ALG1: variants seen among roughly 807,000 people sequenced by gnomAD.
ALG1 encodes chitobiosyldiphosphodolichol beta-mannosyltransferase.
A neutral mutation model predicts 55.1 loss-of-function variants in ALG1; 58 were observed. The observed-to-expected ratio is 1.05, with a 90% confidence interval of 0.85 to 1.31. The LOEUF (loss-of-function observed/expected upper bound fraction) is 1.31. Among genes scored for constraint, ALG1 ranks in the 50% most tolerant of loss-of-function variants. The pLI is 0.00. For missense variants in ALG1, 761 were observed against 598.6 expected (o/e 1.27, Z -2.83); for synonymous variants, 309 against 247.0 (o/e 1.25, Z -2.35).
chr16:5,081,107 C>CGGGGGGGGG, intron 10 of ALG1, 51 bp downstream of exon 10: 2 of 283,562 alleles, frequency 7.1e-6, no homozygotes, highest in South Asian at 3.6e-5. Context: ...ACAGGGTGGG[C>CGGGGGGGGG]GGGATGTACT....
rs145339284 is a variant in ALG1 at position 5,077,482 on chromosome 16, C to A, written c.577C>A (p.Leu193Met). 1.2e-6 allele frequency: 2 copies of A among 1,614,222 alleles called. No homozygotes were observed. Among genetic ancestry groups the A allele is most frequent in the Non-Finnish European group, 1.7e-6 (2 of 1,180,040 alleles). The change falls in exon 5 of 13, where the codon CTG becomes ATG. Residue 193 changes from leucine (L) to methionine (M), a missense_variant. Physicochemically the swap from Leu to Met is conservative, Grantham distance 15 (BLOSUM62 2). Coordinates refer to ENST00000262374, the MANE Select transcript of ALG1 (RefSeq NM_019109.5). ...CTTTGGGCGCCTGTCCCACCTGAACCTGTGTGTTACCAATGCTATGCGAGA... is the reference window on the plus strand; with the variant it reads ...CTTTGGGCGCCTGTCCCACCTGAACATGTGTGTTACCAATGCTATGCGAGA... ...KFFGRLSHLN[L>M]CVTNAMREDL...
intron 4 of ALG1, among the ~76,000 whole-genome samples, chr16:5,076,792 C>CTTT (rs5815229): frequency 1.7e-4 from 18 of 108,856 alleles, no homozygotes; most frequent in South Asian, 2.9e-4. Flanking sequence ...GTATTTCTTC[C>CTTT]TTTTTTTTTT....
rs1408092115 is a variant in ALG1, at chr16:5,083,749, C to G, written c.1255C>G (p.Gln419Glu). 1.4e-5 allele frequency: 23 copies of G among 1,597,576 alleles called. No individual in the cohort carries two copies. The highest frequency in any genetic ancestry group is 1.9e-5 in the Non-Finnish European group (23 of 1,179,776). The change falls in exon 12 of 13, where the codon CAG becomes GAG. Residue 419 changes from glutamine to glutamate, a missense_variant. Gln to Glu is a conservative substitution (Grantham distance 29). Transcript: ENST00000262374. The stretch of plus-strand genomic sequence containing the variant: ...TGAGGACTCAGAGGAACTGGCAGCT[C>G]AGCTGCAGGTAGCCACGTCTGCCAC... ...VFEDSEELAA[Q>E]LQMLFSNFPD...
intron 3 of ALG1, 41 bp from the exon 4 acceptor site, chr16:5,075,347 T>A: frequency 4.4e-6 from 7 of 1,606,058 alleles, no homozygotes; most frequent in Non-Finnish European, 5.1e-6. Context: ...TTGCCTAGCA[T>A]GGTCTGGGTT....
intron 10 of ALG1, among the ~76,000 whole-genome samples, chr16:5,082,027 C>T (rs1300530906): frequency 2.6e-5 from 4 of 152,066 alleles, no homozygotes; most frequent in Non-Finnish European, 1.5e-5. Flanking sequence ...ACGCAACCTC[C>T]GCCTTCCCGG....
chr16:5,075,233 C>T (rs982296019), intron 3 of ALG1, among the ~76,000 whole-genome samples, 155 bp from the exon 4 acceptor site: 1 of 152,154 alleles, frequency 6.6e-6, no homozygotes, highest in African/African-American at 2.4e-5. Flanking sequence ...CTTTTTACAT[C>T]TATTTTGGTG....
chr16:5,084,957 C>T lies in ALG1; in HGVS notation c.*76C>T, dbSNP rs1047674. On this transcript the variant is annotated 3_prime_UTR_variant, in exon 13 of 13. Coordinates refer to ENST00000262374, the MANE Select transcript of ALG1 (RefSeq NM_019109.5). The stretch of plus-strand genomic sequence containing the variant: ...CTTCTTCTTGGAGTCTCAGGGCAAA[C>T]CCTTTCGAGCAGCACCTCCCAGTGG... 8.8e-6 allele frequency: 14 copies of T among 1,594,742 alleles called. No homozygotes were observed. The highest frequency in any genetic ancestry group is 5.9e-6 in the Non-Finnish European group (7 of 1,178,266).
At chr16:5,082,828 G>T (rs544270071) in intron 11 of ALG1, among the ~76,000 whole-genome samples, 155 bp downstream of exon 11, 3 of 152,228 alleles carry the variant, frequency 2.0e-5, no homozygotes, top group Non-Finnish European at 2.9e-5. Flanking sequence ...GGTTACTGTG[G>T]CTGGGCTGAG....
rs375526470 is a variant in ALG1, at chr16:5,078,732, A to G, written c.741-25A>G. On this transcript the variant is annotated intron_variant, in intron 6 of 12. Coordinates refer to ENST00000262374, the MANE Select transcript of ALG1 (RefSeq NM_019109.5). ...TCCCGGGCCTGCTCTATGGCCTCTCACAGGCTTTTTTTCTGCTCCTTCAGC... is the reference window on the plus strand; with the variant it reads ...TCCCGGGCCTGCTCTATGGCCTCTCGCAGGCTTTTTTTCTGCTCCTTCAGC... 8 of 1,612,362 alleles carry G rather than the reference A, an allele frequency of 5.0e-6. No individual in the cohort carries two copies. The African/African-American group carries it at 1.1e-4, about 22-fold the overall frequency.
At chr16:5,078,472 G>C in intron 6 of ALG1, 1 of 651,504 alleles carries the variant, frequency 1.5e-6, no homozygotes. Context: ...TGGTGTGGGA[G>C]GGCGTCCCTG....
At position 5,085,685 on chromosome 16, in the gene ALG1, G is replaced by A. The variant is rs777980781; in HGVS notation, c.*804G>A. On this transcript the variant is annotated 3_prime_UTR_variant, in exon 13 of 13. Coordinates refer to ENST00000262374, the MANE Select transcript of ALG1 (RefSeq NM_019109.5). ...TCCAAGTGCTCTTCGTAGGGAAACA[G>A]TTTCTGCTCATGACGAGGTTCCACT... 2.5e-6 allele frequency: 4 copies of A among 1,611,792 alleles called. No individual in the cohort carries two copies. In the African/African-American group the frequency reaches 5.3e-5, roughly 22 times the overall value.
At chr16:5,082,099 T>C (rs4786591) in intron 10 of ALG1, among the ~76,000 whole-genome samples, 148,175 of 152,146 alleles carry the variant, frequency 0.97, 72,207 homozygotes, top group East Asian at 1. Context: ...CCTGCCACGA[T>C]GCTTGGCTAA....
chr16:5,084,405 C>T (rs2133781), intron 12 of ALG1: 1 of 476,970 alleles, frequency 2.1e-6, no homozygotes, highest in African/African-American at 2.0e-5. Context: ...AGCAAGGCTG[C>T]AAAGAACACC....
Position 5,078,843 on chromosome 16 carries a change from G to A in ALG1, c.827G>A (p.Arg276Gln), listed in dbSNP as rs201975029. ...GGGCTGGTGACGCGTCTCCGTGAGCGGCCAGCCCTGCTGGTCAGCAGCACG... is the reference window on the plus strand; with the variant it reads ...GGGCTGGTGACGCGTCTCCGTGAGCAGCCAGCCCTGCTGGTCAGCAGCACG... Reference protein sequence around the residue: ...GSGLVTRLRERPALLVSSTSW... With the variant: ...GSGLVTRLREQPALLVSSTSW... Residue 276 changes from arginine to glutamine, a missense_variant, in exon 7 of 13, where the codon CGG (arginine) becomes CAG (glutamine). Physicochemically the swap from Arg to Gln is conservative, Grantham distance 43. Transcript: ENST00000262374. 1,244 of 1,611,896 alleles carry A rather than the reference G, an allele frequency of 7.7e-4. No individual in the cohort carries two copies. The highest frequency in any genetic ancestry group is 9.0e-4 in the South Asian group (82 of 90,978).
chr16:5,079,817 G>A lies in ALG1; in HGVS notation c.961+10G>A. On this transcript the variant is annotated intron_variant, in intron 9 of 12. Transcript: ENST00000262374. ...GTCTGTGTGATAACAGGTACTGCCT[G>A]GGACCCTGGGTGTCTGTTTGGTTGG... 2 of 1,611,680 alleles carry A rather than the reference G, an allele frequency of 1.2e-6. No homozygotes were observed. Among genetic ancestry groups the A allele is most frequent in the Non-Finnish European group, 1.7e-6 (2 of 1,179,624 alleles).
chr16:5,079,381 C>A (rs1956976606), intron 8 of ALG1, among the ~76,000 whole-genome samples: 1 of 152,176 alleles, frequency 6.6e-6, no homozygotes, highest in Admixed American at 6.5e-5. Context: ...GTGACTCTGG[C>A]TATTGTTTAT....
intron 8 of ALG1, 108 bp from the exon 9 acceptor site, chr16:5,079,640 G>T: frequency 7.7e-7 from 1 of 1,296,314 alleles, no homozygotes; most frequent in Non-Finnish European, 1.1e-6. Flanking sequence ...AGTGAGCTGA[G>T]ATCGCGCCAT....
chr16:5,080,352 A>T (rs1017150166), intron 9 of ALG1, among the ~76,000 whole-genome samples: 2 of 152,028 alleles, frequency 1.3e-5, no homozygotes, highest in African/African-American at 4.8e-5. Context: ...GGCACAAATC[A>T]CTGTGCCCGG....
chr16:5,074,809 CA>C (rs960332558), intron 3 of ALG1, among the ~76,000 whole-genome samples: 1 of 152,204 alleles, frequency 6.6e-6, no homozygotes, highest in Non-Finnish European at 1.5e-5. Context: ...TGCATTCCAA[CA>C]GGTGAAAAAT....
Sources: allele counts gnomAD v4.1 joint callset (sites outside exome capture counted in the v4.1 genomes callset), GRCh38; gene constraint gnomAD v4.1.1; transcripts MANE v1.5; gene names NCBI Gene and HGNC (gene_info 2026-07-23, HGNC 2026-07-21).